DIAPH3: variants seen among roughly 807,000 people sequenced by gnomAD.
The protein encoded by DIAPH3 is diaphanous related formin 3.
A neutral mutation model predicts 144.3 loss-of-function variants in DIAPH3; 117 were observed. That is an observed-to-expected ratio of 0.81 (90% CI 0.70 to 0.95). The LOEUF is 0.95. Ranked by LOEUF, DIAPH3 falls within the 40% of genes least tolerant of loss-of-function variation. The pLI is 0.00. For missense variants in DIAPH3, 1,421 were observed against 1,412.7 expected, an observed-to-expected ratio of 1.01 and a Z score of -0.09; for synonymous variants, 519 against 488.9, an observed-to-expected ratio of 1.06 and a Z score of -0.81.
chr13:59,810,638 A>G, intron 25 of DIAPH3, 150 bp downstream of exon 25: 1 of 866,414 alleles, frequency 1.2e-6, no homozygotes, highest in Non-Finnish European at 1.7e-6. Context: ...AAGGGAAAGA[A>G]GACCATAAAG....
At chr13:59,752,453 G>A (rs1181159066) in intron 27 of DIAPH3, among the ~76,000 whole-genome samples, 3 of 149,252 alleles carry the variant, frequency 2.0e-5, no homozygotes, top group Admixed American at 1.4e-4. Context: ...CTGCAATCTC[G>A]ACCTCCTAGG....
intron 5 of DIAPH3, among the ~76,000 whole-genome samples, chr13:60,039,686 C>T (rs890177120): frequency 2.0e-5 from 3 of 152,046 alleles, no homozygotes; most frequent in African/African-American, 7.2e-5. Context: ...CTTTTTTGTT[C>T]TATTCAGACA....
rs552469436 is a variant in DIAPH3, at chr13:59,810,804, T to C, written c.3147A>G (p.Leu1049=). 39 of 1,613,528 alleles carry C rather than the reference T, an allele frequency of 2.4e-5. No individual in the cohort carries two copies. The African/African-American group carries it at 5.1e-4, about 21-fold the overall frequency. ...AGTACTCACCAGTCTTCATTTCTAA[T>C]AAACGCTTTTTCTTTTGTTGGCGTT... ...RLERQQKKKR[L]LEMKTEGDET... is the part of the protein sequence containing the mutation. Residue 1049 remains leucine (L), a synonymous_variant, in exon 25 of 28, where the codon TTA becomes TTG. Coordinates refer to ENST00000400324, the MANE Select transcript of DIAPH3 (RefSeq NM_001042517.2).
At chr13:59,666,925 A>G in intron 27 of DIAPH3, 79 bp from the exon 28 acceptor site, 1 of 1,509,862 alleles carries the variant, frequency 6.6e-7, no homozygotes, top group Non-Finnish European at 9.1e-7. Flanking sequence ...CACATTTAAA[A>G]TAATTATTCT....
chr13:60,073,166 G>A (rs1204073112), intron 4 of DIAPH3, among the ~76,000 whole-genome samples: 14 of 151,970 alleles, frequency 9.2e-5, no homozygotes, highest in African/African-American at 2.2e-4. Flanking sequence ...AAAATTAGCC[G>A]GGCGTGGTGG....
chr13:60,151,794 T>C (rs145429716), intron 1 of DIAPH3, among the ~76,000 whole-genome samples: 20 of 152,192 alleles, frequency 1.3e-4, no homozygotes, highest in African/African-American at 4.6e-4. Context: ...TAGAACATGG[T>C]TTTAATTGGA....
Position 60,112,170 on chromosome 13 carries a change from C to T in DIAPH3, c.230G>A (p.Ser77Asn), listed in dbSNP as rs747842505. 6.2e-6 allele frequency: 10 copies of T among 1,614,034 alleles called. No individual in the cohort carries two copies. Among genetic ancestry groups the T allele is most frequent in the Non-Finnish European group, 8.5e-6 (10 of 1,180,018 alleles). ...TTTCTTGCTCCCTGGAATTCTTATG[C>T]TGGCAAATTTGTCCAGCTACAAAGA... ...LTDDMLDKFA[S>N]IRIPGSKKER... Residue 77 changes from serine (S) to asparagine (N), a missense_variant, in exon 3 of 28, where the codon AGC (serine) becomes AAC (asparagine). Transcript: ENST00000400324.
chr13:60,158,733 C>G (rs1952143172), intron 1 of DIAPH3, among the ~76,000 whole-genome samples: 1 of 151,924 alleles, frequency 6.6e-6, no homozygotes, highest in Non-Finnish European at 1.5e-5. Flanking sequence ...CAGGCAAGCA[C>G]TGAAGGATGG....
chr13:59,988,021 T>C (rs1312122615), intron 12 of DIAPH3, among the ~76,000 whole-genome samples: 2 of 151,806 alleles, frequency 1.3e-5, no homozygotes, highest in Non-Finnish European at 1.5e-5. Context: ...TCAAGCCATT[T>C]AGACTTTCCT....
chr13:59,916,032 T>C (rs2047200503), intron 19 of DIAPH3, 123 bp downstream of exon 19: 10 of 813,770 alleles, frequency 1.2e-5, no homozygotes, highest in Non-Finnish European at 1.9e-5. Flanking sequence ...CTAAAACTAA[T>C]TATGCAGCAA....
chr13:59,861,787 T>C (rs986800353), intron 21 of DIAPH3, among the ~76,000 whole-genome samples: 2 of 152,264 alleles, frequency 1.3e-5, no homozygotes, highest in Non-Finnish European at 1.5e-5. Context: ...GAAAAAAATA[T>C]GGAAAATGCC....
At chr13:59,991,341 G>T in intron 11 of DIAPH3, 67 bp from the exon 12 acceptor site, 1 of 1,130,520 alleles carries the variant, frequency 8.8e-7, no homozygotes. Context: ...TAATATGACA[G>T]AATTTGTCCT....
intron 5 of DIAPH3, among the ~76,000 whole-genome samples, chr13:60,023,633 C>G (rs1263919375): frequency 6.6e-6 from 1 of 151,706 alleles, no homozygotes; most frequent in Non-Finnish European, 1.5e-5. Context: ...AGGGTTTCAC[C>G]ATTTTGGCCA....
intron 2 of DIAPH3, among the ~76,000 whole-genome samples, chr13:60,115,258 G>A (rs1231099527): frequency 2.6e-5 from 4 of 152,154 alleles, no homozygotes. Flanking sequence ...AATGTCATGA[G>A]TTTTCTCTGA....
chr13:60,026,689 C>T (rs540100413), intron 5 of DIAPH3, among the ~76,000 whole-genome samples: 17 of 152,216 alleles, frequency 1.1e-4, no homozygotes, highest in Admixed American at 3.3e-4. Flanking sequence ...AACCAACCAA[C>T]GGTATTAGAC....
intron 4 of DIAPH3, among the ~76,000 whole-genome samples, chr13:60,052,529 A>G (rs1374647238): frequency 6.6e-6 from 1 of 152,084 alleles, no homozygotes; most frequent in Non-Finnish European, 1.5e-5. Context: ...AAGGTATAAG[A>G]AGTCTGTCAT....
intron 25 of DIAPH3, among the ~76,000 whole-genome samples, chr13:59,778,135 A>G (rs1180927735): frequency 6.6e-6 from 1 of 152,206 alleles, no homozygotes; most frequent in African/African-American, 2.4e-5. Context: ...ACATGCTATT[A>G]TATCTACACA....
intron 27 of DIAPH3, among the ~76,000 whole-genome samples, chr13:59,703,261 T>A (rs559325297): frequency 6.6e-6 from 1 of 152,332 alleles, no homozygotes; most frequent in South Asian, 2.1e-4. Flanking sequence ...AGTATCTGAT[T>A]AAAATTTTCA....
chr13:59,703,147 A>C (rs1365284881), intron 27 of DIAPH3, among the ~76,000 whole-genome samples: 2 of 152,214 alleles, frequency 1.3e-5, no homozygotes, highest in Non-Finnish European at 2.9e-5. Flanking sequence ...AGCCATAGCC[A>C]CATGTGATGA....
Sources: allele counts gnomAD v4.1 joint callset (sites outside exome capture counted in the v4.1 genomes callset), GRCh38; gene constraint gnomAD v4.1.1; transcripts MANE v1.5; gene names NCBI Gene and HGNC (gene_info 2026-07-23, HGNC 2026-07-21).